SYT10: variants seen among roughly 807,000 people sequenced by gnomAD.
The protein encoded by SYT10 is synaptotagmin 10, also known as synaptotagmin-10.
A neutral mutation model predicts 51.1 loss-of-function variants in SYT10; 31 were observed. The ratio of observed to expected loss-of-function variants is 0.61; its 90% CI spans 0.46 to 0.82. The LOEUF (loss-of-function observed/expected upper bound fraction) is 0.82, where lower values mean the gene tolerates loss of function less well. Among genes scored for constraint, SYT10 ranks in the 40% least tolerant of loss-of-function variants. The pLI is 0.00. For synonymous variants in SYT10, 233 were observed against 225.9 expected (o/e 1.03, Z -0.28); for missense variants, 603 against 634.0 (o/e 0.95, Z 0.53).
intron 2 of SYT10, among the ~76,000 whole-genome samples, chr12:33,409,465 C>A (rs1307919179): frequency 6.6e-6 from 1 of 151,306 alleles, no homozygotes; most frequent in Non-Finnish European, 1.5e-5. Context: ...GATTTGCCCA[C>A]CTCCACCTCC....
chr12:33,421,985 A>G (rs1384347981), intron 2 of SYT10, among the ~76,000 whole-genome samples: 5 of 152,108 alleles, frequency 3.3e-5, no homozygotes, highest in Non-Finnish European at 1.5e-5. Context: ...GATCAGTAAG[A>G]TAAACAAGAT....
At chr12:33,387,631 G>A (rs1055555298) in intron 3 of SYT10, among the ~76,000 whole-genome samples, 1 of 152,170 alleles carries the variant, frequency 6.6e-6, no homozygotes, top group African/African-American at 2.4e-5. Context: ...CTTTGGGCTA[G>A]TGGATTGCTG....
chr12:33,423,994 C>T (rs758990118), intron 2 of SYT10: 1 of 455,934 alleles, frequency 2.2e-6, no homozygotes, highest in South Asian at 1.5e-5. Context: ...TTTTCTTCTT[C>T]TTCTTTCCCC....
At chr12:33,384,371 G>A (rs1866140284) in intron 4 of SYT10, among the ~76,000 whole-genome samples, 1 of 151,744 alleles carries the variant, frequency 6.6e-6, no homozygotes, top group East Asian at 1.9e-4. Flanking sequence ...TTTAGGTTTT[G>A]TTGTTGTTCT....
At chr12:33,405,788 G>T (rs1286059025) in intron 3 of SYT10, 1 of 148,878 alleles carries the variant, frequency 6.7e-6, no homozygotes. Context: ...AACTAATAAA[G>T]AAAACAATCT....
intron 3 of SYT10, among the ~76,000 whole-genome samples, chr12:33,391,615 T>G (rs1866207967): frequency 6.6e-6 from 1 of 152,090 alleles, no homozygotes; most frequent in Admixed American, 6.6e-5. Context: ...GCAGTCAGGA[T>G]GAGATCCATT....
intron 3 of SYT10, among the ~76,000 whole-genome samples, chr12:33,385,607 A>G (rs943288368): frequency 2.6e-5 from 4 of 152,184 alleles, no homozygotes; most frequent in Admixed American, 2.6e-4. Flanking sequence ...AAACGGCATC[A>G]TAATTCACCC....
At chr12:33,409,172 T>C (rs183859214) in intron 2 of SYT10, among the ~76,000 whole-genome samples, 1 of 152,326 alleles carries the variant, frequency 6.6e-6, no homozygotes, top group African/African-American at 2.4e-5. Context: ...GTAATATAGA[T>C]GACATTGCAT....
chr12:33,379,951 T>C lies in SYT10; in HGVS notation c.1381A>G (p.Asn461Asp). The C allele has an allele frequency of 6.2e-7, 1 of 1,612,432 alleles. No homozygotes were observed. The highest frequency in any genetic ancestry group is 8.5e-7 in the Non-Finnish European group (1 of 1,178,958). The part of the protein sequence containing the change: ...AVMDYDRVGH[N>D]EVIGVCRTGL... ...GTTCTGCACACTCCTATGACCTCAT[T>C]GTGTCCTACCCTATGATTTGTGGGA... Residue 461 changes from asparagine (N) to aspartate (D), a missense_variant, in exon 6 of 7, where the codon AAT (asparagine) becomes GAT (aspartate). Transcript: ENST00000228567.
intron 3 of SYT10, among the ~76,000 whole-genome samples, chr12:33,404,580 A>G (rs1434711714): frequency 6.6e-6 from 1 of 151,876 alleles, no homozygotes; most frequent in Non-Finnish European, 1.5e-5. Flanking sequence ...TTTAGTAGAG[A>G]TGGGGTTTCA....
At chr12:33,397,621 C>T (rs1223018419) in intron 3 of SYT10, among the ~76,000 whole-genome samples, 1 of 152,058 alleles carries the variant, frequency 6.6e-6, no homozygotes, top group Non-Finnish European at 1.5e-5. Flanking sequence ...CCTAAAGACA[C>T]ACCTAGGAGA....
At chr12:33,405,458 A>T (rs759294329) in intron 3 of SYT10, 1 of 152,112 alleles carries the variant, frequency 6.6e-6, no homozygotes, top group Non-Finnish European at 1.5e-5. Flanking sequence ...AGAGATTATG[A>T]CACAAAAATC....
At position 33,426,336 on chromosome 12, in the gene SYT10, G is replaced by A. The variant is rs780930522; in HGVS notation, c.311C>T (p.Pro104Leu). The A allele has an allele frequency of 6.2e-7, 1 of 1,613,802 alleles. No homozygotes were observed. Among genetic ancestry groups the A allele is most frequent in the African/African-American group, 1.3e-5 (1 of 74,834 alleles). Residue 104 changes from proline (P) to leucine (L), a missense_variant, in exon 2 of 7, where the codon CCT becomes CTT. Physicochemically the swap from Pro to Leu is moderately conservative, Grantham distance 98. Transcript: ENST00000228567. ...CTCTTCAGTCTCAAAAACTTCAGTA[G>A]GAGCACTTGAAATGCTCTGTGGAAG... ...TTLPQSISSA[P>L]TEVFETEEKK...
At chr12:33,436,289 A>G (rs144794988) in intron 1 of SYT10, among the ~76,000 whole-genome samples, 457 of 152,294 alleles carry the variant, frequency 3.0e-3, no homozygotes, top group African/African-American at 0.011. Flanking sequence ...GCATTCTAAT[A>G]TTAAATCATA....
intron 3 of SYT10, chr12:33,405,677 C>T (rs1866346159): frequency 6.6e-6 from 1 of 151,808 alleles, no homozygotes; most frequent in African/African-American, 2.4e-5. Context: ...CTGTTCAAAA[C>T]TTCAACATTT....
In SYT10 at chr12:33,426,351, C is replaced by T. The variant is rs1281506903; in HGVS notation, c.296G>A (p.Ser99Asn). 1 of 1,613,960 alleles carries T rather than the reference C, an allele frequency of 6.2e-7. No homozygotes were observed. The highest frequency in any genetic ancestry group is 1.3e-5 in the African/African-American group (1 of 74,878). Reference sequence around the variant, plus strand: ...AACTTCAGTAGGAGCACTTGAAATGCTCTGTGGAAGCGTAGTGATGTTGGA... The same window carrying T: ...AACTTCAGTAGGAGCACTTGAAATGTTCTGTGGAAGCGTAGTGATGTTGGA... ...VTSNITTLPQ[S>N]ISSAPTEVFE... Residue 99 changes from serine (S) to asparagine (N), a missense_variant, in exon 2 of 7, where the codon AGC becomes AAC. Physicochemically the swap from Ser to Asn is conservative, Grantham distance 46 (BLOSUM62 1). Transcript: ENST00000228567.
intron 5 of SYT10, 55 bp downstream of exon 5, chr12:33,382,294 G>GGCCT: frequency 7.3e-7 from 1 of 1,360,568 alleles, no homozygotes; most frequent in Non-Finnish European, 9.5e-7. Flanking sequence ...AGCTGAGTTT[G>GGCCT]GCCTGCGCAT....
intron 2 of SYT10, among the ~76,000 whole-genome samples, chr12:33,411,591 C>T (rs1388660758): frequency 5.3e-5 from 8 of 152,038 alleles, no homozygotes; most frequent in East Asian, 1.9e-4. Context: ...ATTGAAAAAC[C>T]GTTACTATAT....
At chr12:33,426,576 A>G (rs914357176) in intron 1 of SYT10, 81 bp from the exon 2 acceptor site, 1 of 1,160,300 alleles carries the variant, frequency 8.6e-7, no homozygotes, top group Non-Finnish European at 1.2e-6. Flanking sequence ...TTACATCATA[A>G]TTGTTATTAT....
Sources: gnomAD v4.1 joint callset for allele counts (sites outside exome capture counted in the v4.1 genomes callset) on GRCh38, gnomAD v4.1.1 for gene constraint, MANE v1.5 for transcripts, NCBI Gene and HGNC (gene_info 2026-07-23, HGNC 2026-07-21) for gene names.